The following SEMA6D variants were observed in gnomAD, a reference collection of about 807,000 sequenced individuals.
SEMA6D encodes the protein semaphorin-6D.
SEMA6D carries 35 observed loss-of-function variants against 106.6 expected under a neutral mutation model. The ratio of observed to expected loss-of-function variants is 0.33; its 90% CI spans 0.25 to 0.44. The LOEUF (loss-of-function observed/expected upper bound fraction) is 0.44, where lower values mean the gene tolerates loss of function less well. SEMA6D is among the 20% of genes least tolerant of loss of function. The pLI, the probability that SEMA6D is intolerant of heterozygous loss-of-function variation, is 1.00. For missense variants in SEMA6D, 1,185 were observed against 1,345.9 expected (o/e 0.88, Z 1.87); for synonymous variants, 499 against 487.7 (o/e 1.02, Z -0.31).
At chr15:47,317,842 G>A (rs186414842) in intron 1 of SEMA6D, among the ~76,000 whole-genome samples, 68 of 152,040 alleles carry the variant, frequency 4.5e-4, no homozygotes, top group Non-Finnish European at 9.4e-4. Flanking sequence ...TAGTGTTTTA[G>A]GCACTTATGT....
At chr15:47,360,042 T>C (rs2038741871) in intron 1 of SEMA6D, 1 of 151,044 alleles carries the variant, frequency 6.6e-6, no homozygotes, top group African/African-American at 2.4e-5. Context: ...TTTTTCTTCT[T>C]TTTTTTTTCT....
intron 3 of SEMA6D, among the ~76,000 whole-genome samples, chr15:47,474,587 T>C (rs576101031): frequency 8.5e-5 from 13 of 152,342 alleles, no homozygotes; most frequent in African/African-American, 2.9e-4. Context: ...GAAATACTCA[T>C]ATGTGCAGCA....
intron 1 of SEMA6D, among the ~76,000 whole-genome samples, chr15:47,226,525 C>A (rs1447583463): frequency 6.6e-6 from 1 of 152,082 alleles, no homozygotes; most frequent in East Asian, 1.9e-4. Context: ...GGCATGCATG[C>A]AGAGCCTTTT....
intron 2 of SEMA6D, among the ~76,000 whole-genome samples, chr15:47,442,930 C>T (rs142394231): frequency 6.6e-6 from 1 of 152,112 alleles, no homozygotes; most frequent in East Asian, 1.9e-4. Flanking sequence ...TTGTCCCCTT[C>T]CCTCTAAGCC....
intron 1 of SEMA6D, among the ~76,000 whole-genome samples, chr15:47,400,488 C>CAAAAAAA (rs375822492): frequency 1.3e-4 from 15 of 119,158 alleles, no homozygotes; most frequent in African/African-American, 2.8e-4. Flanking sequence ...GACTCTGTCT[C>CAAAAAAA]AAAAAAAAAA....
intron 1 of SEMA6D, among the ~76,000 whole-genome samples, chr15:47,740,391 G>A (rs954830919): frequency 1.5e-4 from 23 of 151,584 alleles, no homozygotes; most frequent in African/African-American, 2.4e-4. Context: ...ATGGTGGCGC[G>A]CGCCTGTAGT....
intron 2 of SEMA6D, among the ~76,000 whole-genome samples, chr15:47,440,948 C>T (rs1178633599): frequency 6.6e-6 from 1 of 152,074 alleles, no homozygotes; most frequent in East Asian, 1.9e-4. Flanking sequence ...CCAAACACTA[C>T]AATCAGGCTC....
intron 1 of SEMA6D, among the ~76,000 whole-genome samples, chr15:47,338,168 G>A (rs974127983): frequency 6.6e-6 from 1 of 152,168 alleles, no homozygotes; most frequent in African/African-American, 2.4e-5. Context: ...CCTTCCAAAG[G>A]GGAAAAAGTT....
At chr15:47,307,268 T>G (rs1326098304) in intron 1 of SEMA6D, among the ~76,000 whole-genome samples, 1 of 152,214 alleles carries the variant, frequency 6.6e-6, no homozygotes, top group Admixed American at 6.5e-5. Flanking sequence ...TTAAAGAGTT[T>G]ATTAACTGCA....
chr15:47,361,239 GC>G (rs2038791899), intron 1 of SEMA6D, among the ~76,000 whole-genome samples: 1 of 152,118 alleles, frequency 6.6e-6, no homozygotes, highest in Non-Finnish European at 1.5e-5. Context: ...TTCTGTGACA[GC>G]CCCCTGAACA....
chr15:47,422,711 T>G (rs1170222798), intron 2 of SEMA6D, among the ~76,000 whole-genome samples: 1 of 152,100 alleles, frequency 6.6e-6, no homozygotes, highest in Non-Finnish European at 1.5e-5. Flanking sequence ...TTATTTCTGC[T>G]TCCACATAAT....
At chr15:47,243,206 A>G (rs1185323999) in intron 1 of SEMA6D, among the ~76,000 whole-genome samples, 1 of 152,146 alleles carries the variant, frequency 6.6e-6, no homozygotes, top group East Asian at 1.9e-4. Flanking sequence ...AGTAGAAGAA[A>G]TAGCAAACAG....
intron 3 of SEMA6D, among the ~76,000 whole-genome samples, chr15:47,484,388 A>G (rs1052229535): frequency 1.3e-5 from 2 of 152,154 alleles, no homozygotes; most frequent in African/African-American, 4.8e-5. Flanking sequence ...GTGTAGCATT[A>G]TTAAAATTCC....
chr15:47,462,424 C>A (rs1460920133), intron 2 of SEMA6D, among the ~76,000 whole-genome samples: 1 of 152,072 alleles, frequency 6.6e-6, no homozygotes, highest in African/African-American at 2.4e-5. Flanking sequence ...TCCCAAATGA[C>A]CCATCTCGGC....
chr15:47,270,318 CCTT>C (rs1368048358), intron 1 of SEMA6D, among the ~76,000 whole-genome samples: 1 of 151,180 alleles, frequency 6.6e-6, no homozygotes, highest in Non-Finnish European at 1.5e-5. Context: ...CATATATTGA[CCTT>C]CTATCCTATA....
At chr15:47,228,336 G>A (rs1045365050) in intron 1 of SEMA6D, among the ~76,000 whole-genome samples, 2 of 151,778 alleles carry the variant, frequency 1.3e-5, no homozygotes, top group Non-Finnish European at 2.9e-5. Flanking sequence ...CTTTTGACCT[G>A]GGGCAAGTTT....
At chr15:47,502,345 A>G (rs1224277383) in intron 3 of SEMA6D, among the ~76,000 whole-genome samples, 2 of 152,188 alleles carry the variant, frequency 1.3e-5, no homozygotes, top group Non-Finnish European at 2.9e-5. Flanking sequence ...ACATAAATAA[A>G]TTCTTTTGAC....
At chr15:47,598,438 A>G (rs1024905863) in intron 3 of SEMA6D, among the ~76,000 whole-genome samples, 4 of 152,164 alleles carry the variant, frequency 2.6e-5, no homozygotes, top group African/African-American at 9.7e-5. Context: ...AATTGTATTT[A>G]CTTACATAGT....
chr15:47,602,978 A>C (rs2076694408), intron 4 of SEMA6D, among the ~76,000 whole-genome samples: 1 of 152,148 alleles, frequency 6.6e-6, no homozygotes, highest in Non-Finnish European at 1.5e-5. Context: ...CAAGAGGATA[A>C]GCTTTGGATA....
Sources: gnomAD v4.1 joint callset for allele counts (sites outside exome capture counted in the v4.1 genomes callset) on GRCh38, gnomAD v4.1.1 for gene constraint, MANE v1.5 for transcripts, NCBI Gene and HGNC (gene_info 2026-07-23, HGNC 2026-07-21) for gene names.